Variants in TMCO4 observed in about 807,000 individuals in gnomAD.
TMCO4 encodes transmembrane and coiled-coil domains 4, also known as transmembrane and coiled-coil domain-containing protein 4.
A neutral mutation model predicts 64.7 loss-of-function variants in TMCO4; 58 were observed. The ratio of observed to expected loss-of-function variants is 0.90; its 90% CI spans 0.73 to 1.12. TMCO4 has a LOEUF of 1.12. TMCO4 is among the 50% of genes most tolerant of loss of function. TMCO4 has a pLI of 0.00. For missense variants in TMCO4, 780 were observed against 825.9 expected (o/e 0.94, Z 0.68); for synonymous variants, 325 against 346.1 (o/e 0.94, Z 0.68).
intron 9 of TMCO4, 70 bp from the exon 10 acceptor site, chr1:19,745,721 G>T: frequency 1.9e-6 from 3 of 1,540,800 alleles, no homozygotes; most frequent in East Asian, 2.3e-5. Context: ...GTGGCTGTAT[G>T]TTCTCACACA....
intron 12 of TMCO4, chr1:19,738,552 A>C (rs1408503584): frequency 6.6e-6 from 1 of 152,258 alleles, no homozygotes; most frequent in Non-Finnish European, 1.5e-5. Flanking sequence ...AAACTAACAC[A>C]TCATCTTGCT....
intron 7 of TMCO4, among the ~76,000 whole-genome samples, chr1:19,752,061 AT>A (rs1015871711): frequency 3.5e-4 from 52 of 150,062 alleles, no homozygotes; most frequent in African/African-American, 5.9e-4. Context: ...AAAAAAAAAA[AT>A]TTTTTTTTTG....
chr1:19,716,825 C>T (rs996453572), intron 13 of TMCO4, among the ~76,000 whole-genome samples: 2 of 152,158 alleles, frequency 1.3e-5, no homozygotes, highest in African/African-American at 4.8e-5. Context: ...AACAGGTATC[C>T]ATGGAGGCCC....
At chr1:19,751,589 G>A (rs191961284) in intron 7 of TMCO4, among the ~76,000 whole-genome samples, 29 of 150,866 alleles carry the variant, frequency 1.9e-4, no homozygotes, top group South Asian at 8.4e-4. Context: ...CTGGGTGACA[G>A]AGTAAGACTC....
At position 19,771,269 on chromosome 1, in the gene TMCO4, C is replaced by T. The variant is rs1225643848; in HGVS notation, c.354+39G>A. On this transcript the variant is annotated intron_variant, in intron 5 of 15. Coordinates refer to ENST00000294543, the MANE Select transcript of TMCO4 (RefSeq NM_181719.7). ...TAACATTGAAAGAAAATGATTTGTT[C>T]TACTGTCCCCAGCAGCCACCACCAG... 3 of 1,594,426 alleles carry T rather than the reference C, an allele frequency of 1.9e-6. No individual in the cohort carries two copies. In the Admixed American group the frequency reaches 5.1e-5, roughly 27 times the overall value.
chr1:19,684,807 G>A (rs552053425), intron 15 of TMCO4, among the ~76,000 whole-genome samples: 3 of 152,306 alleles, frequency 2.0e-5, no homozygotes, highest in African/African-American at 7.2e-5. Flanking sequence ...TTCTCTTTAA[G>A]AGGAGGAGTG....
intron 15 of TMCO4, among the ~76,000 whole-genome samples, chr1:19,690,942 C>A (rs1570627637): frequency 3.4e-5 from 5 of 146,456 alleles, no homozygotes; most frequent in African/African-American, 1.3e-4. Context: ...CCTCTCGGCT[C>A]ACTGCAAGCT....
At chr1:19,779,144 G>A (rs963199380) in intron 4 of TMCO4, among the ~76,000 whole-genome samples, 4 of 152,210 alleles carry the variant, frequency 2.6e-5, no homozygotes, top group Admixed American at 6.5e-5. Context: ...TGTGGGGGCC[G>A]TGTCTTGAAA....
At chr1:19,727,503 C>G (rs761532544) in intron 13 of TMCO4, among the ~76,000 whole-genome samples, 2 of 152,222 alleles carry the variant, frequency 1.3e-5, no homozygotes, top group Non-Finnish European at 2.9e-5. Flanking sequence ...AAAGCCTAGT[C>G]TAGTGCTTAG....
chr1:19,702,435 T>C (rs2095279292), intron 13 of TMCO4, among the ~76,000 whole-genome samples: 1 of 151,782 alleles, frequency 6.6e-6, no homozygotes, highest in South Asian at 2.1e-4. Context: ...CTACTAAAAA[T>C]ACAAAAATTA....
At chr1:19,792,050 A>T (rs1041261311) in intron 2 of TMCO4, among the ~76,000 whole-genome samples, 3 of 152,190 alleles carry the variant, frequency 2.0e-5, no homozygotes, top group African/African-American at 7.2e-5. Context: ...ATCATGTAAG[A>T]CGTGCCTTTC....
intron 3 of TMCO4, among the ~76,000 whole-genome samples, chr1:19,786,393 A>G (rs751985760): frequency 2.0e-5 from 3 of 152,246 alleles, no homozygotes; most frequent in Non-Finnish European, 2.9e-5. Context: ...TCCCTGGAGA[A>G]GGTGATGGTA....
intron 15 of TMCO4, among the ~76,000 whole-genome samples, chr1:19,685,224 G>T (rs1460538005): frequency 6.6e-6 from 1 of 152,176 alleles, no homozygotes; most frequent in Admixed American, 6.5e-5. Flanking sequence ...GACTATGTAG[G>T]CTGGGGTAGG....
chr1:19,755,395 G>A (rs1485896780), intron 7 of TMCO4, among the ~76,000 whole-genome samples: 4 of 152,190 alleles, frequency 2.6e-5, no homozygotes, highest in Non-Finnish European at 5.9e-5. Flanking sequence ...GATTACAGGC[G>A]TAAGCCACCA....
At chr1:19,703,502 C>A (rs1391272929) in intron 13 of TMCO4, among the ~76,000 whole-genome samples, 1 of 150,514 alleles carries the variant, frequency 6.6e-6, no homozygotes, top group East Asian at 1.9e-4. Flanking sequence ...TCTCTCCTTT[C>A]TTTCCTTTCT....
At chr1:19,706,034 GGGACT>G in intron 13 of TMCO4, among the ~76,000 whole-genome samples, 1 of 152,242 alleles carries the variant, frequency 6.6e-6, no homozygotes, top group Non-Finnish European at 1.5e-5. Context: ...CCAAGTAGCT[GGGACT>G]ACAGGTGTCT....
At chr1:19,796,644 G>A (rs1199431332) in intron 2 of TMCO4, among the ~76,000 whole-genome samples, 2 of 151,896 alleles carry the variant, frequency 1.3e-5, no homozygotes, top group East Asian at 1.9e-4. Context: ...GCTCGATCTC[G>A]GCTCACTGCA....
chr1:19,724,519 A>G (rs977238524), intron 13 of TMCO4, among the ~76,000 whole-genome samples: 2 of 152,308 alleles, frequency 1.3e-5, no homozygotes, highest in Admixed American at 1.3e-4. Context: ...AGTTGTTTGT[A>G]TATTAGATGA....
At chr1:19,704,172 G>A (rs571701817) in intron 13 of TMCO4, among the ~76,000 whole-genome samples, 1 of 152,326 alleles carries the variant, frequency 6.6e-6, no homozygotes, top group South Asian at 2.1e-4. Flanking sequence ...AGACTCCATA[G>A]CACAGAACTC....
Sources: allele counts gnomAD v4.1 joint callset (sites outside exome capture counted in the v4.1 genomes callset), GRCh38; gene constraint gnomAD v4.1.1; transcripts MANE v1.5; gene names NCBI Gene and HGNC (gene_info 2026-07-23, HGNC 2026-07-21).